The following ARSF variants were observed in gnomAD, a reference collection of about 807,000 sequenced individuals.
ARSF encodes the protein arylsulfatase F.
In ARSF, 33 loss-of-function variants were observed where a neutral mutation model predicts 35.4. The observed-to-expected ratio is 0.93, with a 90% CI of 0.71 to 1.25. The LOEUF (loss-of-function observed/expected upper bound fraction) is 1.25. Among genes scored for constraint, ARSF ranks in the 50% most tolerant of loss-of-function variants. The pLI is 0.00. For synonymous variants in ARSF, 222 were observed against 193.1 expected (o/e 1.15, Z -1.24); for missense variants, 501 against 480.2 (o/e 1.04, Z -0.40).
Position 3,072,193 on chromosome X carries a change from C to T in ARSF, c.161+18C>T. 3 of 1,203,878 alleles carry T rather than the reference C, an allele frequency of 2.5e-6. No individual in the cohort carries two copies. The highest frequency in any genetic ancestry group is 3.4e-6 in the Non-Finnish European group (3 of 889,386). On this transcript the variant is annotated intron_variant, in intron 3 of 10. Transcript: ENST00000381127. ...ACCATGAGGTAAGGCGGTTTCATGG[C>T]CAGTCATACGTTCGTCAGTCGTTCA...
intron 6 of ARSF, among the ~76,000 whole-genome samples, chrX:3,087,662 T>A (rs1443501505): frequency 1.9e-5 from 2 of 107,244 alleles, no homozygotes; most frequent in Non-Finnish European, 3.9e-5. Flanking sequence ...ACTACAATTG[T>A]ATCCAGTTTC....
At chrX:3,093,620 T>C (rs1272812594) in intron 7 of ARSF, among the ~76,000 whole-genome samples, 2 of 112,380 alleles carry the variant, frequency 1.8e-5, no homozygotes, top group South Asian at 3.8e-4. Context: ...TAGTATTCCA[T>C]GGTGCATCTG....
intron 4 of ARSF, among the ~76,000 whole-genome samples, chrX:3,079,439 G>A (rs185295674): frequency 0.059 from 6,182 of 105,244 alleles, 217 homozygotes; most frequent in Non-Finnish European, 0.092. Context: ...TCTGCCCCTG[G>A]GTTCAAGCGA....
intron 1 of ARSF, among the ~76,000 whole-genome samples, chrX:3,064,408 T>C (rs1238044054): frequency 1.8e-5 from 2 of 111,575 alleles, no homozygotes; most frequent in African/African-American, 6.5e-5. Context: ...ACTTCATGAC[T>C]AAAACAACAA....
At chrX:3,043,319 G>A (rs1421538498) in intron 1 of ARSF, among the ~76,000 whole-genome samples, 2 of 112,133 alleles carry the variant, frequency 1.8e-5, no homozygotes, top group Non-Finnish European at 3.8e-5. Flanking sequence ...TCATAATACA[G>A]TCTGTAAAAA....
intron 1 of ARSF, among the ~76,000 whole-genome samples, chrX:3,066,383 G>A (rs1301389108): frequency 9.0e-6 from 1 of 111,194 alleles, no homozygotes; most frequent in Non-Finnish European, 1.9e-5. Flanking sequence ...TATAAAGACA[G>A]GGAAGACCTT....
chrX:3,054,191 A>G (rs1405944022), intron 1 of ARSF, among the ~76,000 whole-genome samples: 1 of 111,679 alleles, frequency 9.0e-6, no homozygotes, highest in African/African-American at 3.3e-5. Context: ...TTGAAACACA[A>G]GCCAGACTGG....
At chrX:3,065,488 T>C (rs949461888) in intron 1 of ARSF, among the ~76,000 whole-genome samples, 2 of 107,546 alleles carry the variant, frequency 1.9e-5, no homozygotes, top group Non-Finnish European at 1.9e-5. Context: ...AGAAAAAAAA[T>C]TGGCCAGTCA....
At chrX:3,076,291 CT>C (rs2090148918) in intron 3 of ARSF, among the ~76,000 whole-genome samples, 1 of 107,038 alleles carries the variant, frequency 9.3e-6, no homozygotes, top group Non-Finnish European at 1.9e-5. Flanking sequence ...CTCTCTCTTT[CT>C]GTTTTTCTCT....
At position 3,076,541 on chromosome X, in the gene ARSF, C is replaced by A. The variant is rs377258737; in HGVS notation, c.162-7C>A. 36 of 1,195,647 alleles carry A rather than the reference C, an allele frequency of 3.0e-5. No homozygotes were observed. Among genetic ancestry groups the A allele is most frequent in the African/African-American group, 2.7e-4 (15 of 56,524 alleles). ...CTCTCCAATACACCTTCCCTCTCCC[C>A]CTTCAGGACGCCTCACATCGACCGC... On this transcript the variant is annotated splice_polypyrimidine_tract_variant and splice_region_variant and intron_variant, in intron 3 of 10. Coordinates refer to ENST00000381127, the MANE Select transcript of ARSF (RefSeq NM_001201539.2).
intron 7 of ARSF, among the ~76,000 whole-genome samples, chrX:3,091,449 C>G (rs2090289454): frequency 8.9e-6 from 1 of 112,239 alleles, no homozygotes; most frequent in Admixed American, 9.5e-5. Flanking sequence ...AATTTTCCAA[C>G]ATTAATGAAA....
intron 6 of ARSF, among the ~76,000 whole-genome samples, chrX:3,089,236 C>T (rs112050377): frequency 4.5e-5 from 5 of 111,079 alleles, no homozygotes; most frequent in African/African-American, 6.6e-5. Context: ...TTGTTTCTCC[C>T]GCTCCCTTCC....
rs148472203 is a variant in ARSF at position 3,065,353 on chromosome X, C to T, written c.-28-2720C>T. Among the ~76,000 whole-genome samples the T allele has an allele frequency of 7.7e-3, 842 of 108,964 alleles. 16 individuals are homozygous for T. The highest frequency in any genetic ancestry group is 0.027 in the African/African-American group (798 of 29,669). The allele number at this position is 108,964 out of a possible 115,157, so 94.6% of individuals were successfully genotyped here. A position where few individuals can be genotyped will look rare whatever the true frequency, so the allele number is the denominator to read the frequency against. On this transcript the variant is annotated intron_variant, in intron 1 of 10. Transcript: ENST00000381127. ...AATGTAAATGACGGGTTGATGGATG[C>T]AGCGGGCCAGCATGGCACATGTATA...
Position 3,041,602 on chromosome X carries a change from T to C in ARSF, c.-90T>C, listed in dbSNP as rs747453704. 1 of 111,988 alleles carries C rather than the reference T, an allele frequency of 8.9e-6. No homozygotes were observed. Among genetic ancestry groups the C allele is most frequent in the African/African-American group, 3.2e-5 (1 of 30,883 alleles). The allele number at this position is 111,988 out of a possible 1,213,427, so 9.2% of individuals were successfully genotyped here. On this transcript the variant is annotated 5_prime_UTR_variant, in exon 1 of 11. Coordinates refer to ENST00000381127, the MANE Select transcript of ARSF (RefSeq NM_001201539.2). ...CACCACTCCTGGCCCTTCTGTTACT[T>C]TTCCACTGCTGTTGAGATAGAAGTC...
intron 3 of ARSF, 104 bp downstream of exon 3, chrX:3,072,279 C>G (rs904044938): frequency 1.1e-5 from 9 of 847,832 alleles, no homozygotes; most frequent in Non-Finnish European, 1.4e-5. Context: ...TTTGTTGGGA[C>G]TTTTTTTTAA....
Position 3,048,745 on chromosome X carries a change from A to G in ARSF, c.-29+7082A>G, listed in dbSNP as rs188733542. On this transcript the variant is annotated intron_variant, in intron 1 of 10. Coordinates refer to ENST00000381127, the MANE Select transcript of ARSF (RefSeq NM_001201539.2). ...GCACGTTCTCAACCTTGGTAAAATA[A>G]ACTTTCTAAATTGACTGAGACCTGT... 4.7e-3 allele frequency among the ~76,000 whole-genome samples: 529 copies of G among 112,382 alleles called. 3 individuals carry two copies. The highest frequency in any genetic ancestry group is 0.016 in the African/African-American group (503 of 31,016).
At chrX:3,093,676 A>G (rs1359866427) in intron 7 of ARSF, among the ~76,000 whole-genome samples, 1 of 111,469 alleles carries the variant, frequency 9.0e-6, no homozygotes, top group Non-Finnish European at 1.9e-5. Context: ...TGTCTTTGCT[A>G]TTGTGAATAG....
At chrX:3,085,297 T>C (rs757982031) in intron 6 of ARSF, among the ~76,000 whole-genome samples, 141 of 107,214 alleles carry the variant, frequency 1.3e-3, no homozygotes, top group Non-Finnish European at 1.8e-3. Context: ...TACTATACTA[T>C]ATATGTATAT....
At chrX:3,069,028 A>G (rs749363335) in intron 2 of ARSF, among the ~76,000 whole-genome samples, 286 of 112,136 alleles carry the variant, frequency 2.6e-3, no homozygotes, top group Non-Finnish European at 4.2e-3. Context: ...TGAAACATGT[A>G]TAGACATGAG....
Sources: allele counts gnomAD v4.1 joint callset (sites outside exome capture counted in the v4.1 genomes callset), GRCh38; gene constraint gnomAD v4.1.1; transcripts MANE v1.5; gene names NCBI Gene and HGNC (gene_info 2026-07-23, HGNC 2026-07-21).